Variants in XYLB observed in about 807,000 individuals in gnomAD.
XYLB encodes xylulose kinase.
Under a neutral mutation model 78.7 loss-of-function variants are expected in XYLB, and 62 were observed. The ratio of observed to expected loss-of-function variants is 0.79; its 90% CI spans 0.64 to 0.97. The LOEUF is 0.97. Among genes scored for constraint, XYLB ranks in the 50% least tolerant of loss-of-function variants. The pLI is 0.00. For missense variants in XYLB, 687 were observed against 676.8 expected (o/e 1.02, Z -0.17); for synonymous variants, 245 against 247.4 (o/e 0.99, Z 0.09).
At chr3:38,376,071 C>T (rs1278809106) in intron 12 of XYLB, 46 bp from the exon 13 acceptor site, 17 of 1,342,928 alleles carry the variant, frequency 1.3e-5, no homozygotes, top group Non-Finnish European at 1.8e-5. Context: ...TGGGTCCAGT[C>T]AGCAAGCACC....
chr3:38,408,436 A>C (rs1161308196), intron 18 of XYLB, among the ~76,000 whole-genome samples: 2 of 150,604 alleles, frequency 1.3e-5, no homozygotes, highest in African/African-American at 4.8e-5. Context: ...AAAGCAGGAA[A>C]GATCCAAAAT....
At chr3:38,425,470 G>A (rs1352542817), downstream of XYLB, among the ~76,000 whole-genome samples, 1 of 152,168 alleles carries the variant, frequency 6.6e-6, no homozygotes, top group Non-Finnish European at 1.5e-5. Context: ...GGTGATTATA[G>A]GACTCTGCAC....
At chr3:38,376,794 G>A in intron 13 of XYLB, 124 bp from the exon 14 acceptor site, 1 of 711,484 alleles carries the variant, frequency 1.4e-6, no homozygotes, top group Non-Finnish European at 2.4e-6. Context: ...GGTCTCATCT[G>A]GGGGATGAAA....
chr3:38,352,517 C>T (rs1403031698), intron 2 of XYLB, among the ~76,000 whole-genome samples: 1 of 152,110 alleles, frequency 6.6e-6, no homozygotes, highest in Non-Finnish European at 1.5e-5. Context: ...TGTAAAAACA[C>T]TGGAAGGAGC....
the XYLB span, among the ~76,000 whole-genome samples, chr3:38,444,835 G>C: frequency 2.2e-4 from 34 of 151,916 alleles, no homozygotes; most frequent in Non-Finnish European, 4.7e-4. Context: ...ATCTGCAATG[G>C]TCCCTGGACC....
At chr3:38,411,806 T>G (rs1015697734) in intron 18 of XYLB, among the ~76,000 whole-genome samples, 1 of 152,096 alleles carries the variant, frequency 6.6e-6, no homozygotes, top group African/African-American at 2.4e-5. Context: ...AAACTGCATC[T>G]GAACTGAGAA....
rs553251596 is a variant in XYLB at position 38,399,230 on chromosome 3, C to T, written c.1439-1661C>T. Among the ~76,000 whole-genome samples the T allele has an allele frequency of 7.8e-4, 119 of 151,892 alleles. 2 individuals are homozygous for T. The South Asian group carries it at 0.014, about 18-fold the overall frequency. On this transcript the variant is annotated intron_variant, in intron 17 of 18. Transcript: ENST00000207870. ...TCTTCCCACCCCCACCTCAGCCTCC[C>T]GGATAGCTGGGACTACAGGCACACA... is the stretch of plus-strand genomic sequence containing the variant.
chr3:38,406,463 C>G (rs1324623414), intron 18 of XYLB, among the ~76,000 whole-genome samples: 1 of 152,200 alleles, frequency 6.6e-6, no homozygotes, highest in Non-Finnish European at 1.5e-5. Flanking sequence ...ACTGGAAACT[C>G]TAAAAAGCAG....
At chr3:38,452,309 G>A in the XYLB span, 4 of 152,180 alleles carry the variant, frequency 2.6e-5, no homozygotes, top group African/African-American at 4.8e-5. Flanking sequence ...GACTTTTAAA[G>A]ACCCAGAAAT....
At chr3:38,428,666 G>C in the XYLB span, among the ~76,000 whole-genome samples, 2 of 152,078 alleles carry the variant, frequency 1.3e-5, no homozygotes, top group African/African-American at 4.8e-5. Context: ...CATGTTATAT[G>C]TTTCTTTAAA....
chr3:38,389,467 C>T (rs1707551712), intron 15 of XYLB, among the ~76,000 whole-genome samples: 1 of 152,230 alleles, frequency 6.6e-6, no homozygotes, highest in Non-Finnish European at 1.5e-5. Context: ...GGGTACACCT[C>T]CCAGATGGGG....
At chr3:38,368,140 G>A (rs1473716163) in intron 7 of XYLB, 45 bp from the exon 8 acceptor site, 1 of 1,572,120 alleles carries the variant, frequency 6.4e-7, no homozygotes, top group Non-Finnish European at 8.8e-7. Context: ...AGTAGCGTAG[G>A]GTATGTGGAA....
the XYLB span, among the ~76,000 whole-genome samples, chr3:38,438,303 A>G: frequency 1.3e-5 from 2 of 152,186 alleles, no homozygotes; most frequent in Non-Finnish European, 2.9e-5. Context: ...ACATTTAACC[A>G]AGGAAGTGAA....
At chr3:38,370,240 GCACACACACACA>G in intron 9 of XYLB, 66 bp downstream of exon 9, 45 of 646,400 alleles carry the variant, frequency 7.0e-5, no homozygotes, top group South Asian at 6.6e-4. Flanking sequence ...GCACTGTAGC[GCACACACACACA>G]CACACACACA....
Position 38,346,952 on chromosome 3 carries a change from G to A in XYLB, c.57+27G>A, listed in dbSNP as rs1161274017. The A allele has an allele frequency of 4.2e-6, 6 of 1,438,172 alleles. No individual in the cohort carries two copies. In the African/African-American group the frequency reaches 8.8e-5, roughly 21 times the overall value. The allele number at this position is 1,438,172 out of a possible 1,614,324, so 89.1% of individuals were successfully genotyped here. A position where few individuals can be genotyped will look rare whatever the true frequency, so the allele number is the denominator to read the frequency against. On this transcript the variant is annotated intron_variant, in intron 1 of 18. Coordinates refer to ENST00000207870, the MANE Select transcript of XYLB (RefSeq NM_005108.4). ...TACAGTCGCCTGGCCGCAGGGCCACGGGGCCGCCTCCTCCGCTTCGGTGGG... is the reference window on the plus strand; with the variant it reads ...TACAGTCGCCTGGCCGCAGGGCCACAGGGCCGCCTCCTCCGCTTCGGTGGG...
chr3:38,395,075 G>T (rs182776398), intron 15 of XYLB, among the ~76,000 whole-genome samples: 13 of 152,312 alleles, frequency 8.5e-5, no homozygotes, highest in Non-Finnish European at 1.5e-5. Context: ...TTGAATGTGA[G>T]GGGGGACTAC....
At chr3:38,370,371 C>G in intron 9 of XYLB, 197 bp downstream of exon 9, 1 of 536,180 alleles carries the variant, frequency 1.9e-6, no homozygotes. Context: ...GCCTTGCACA[C>G]AGTAGGTGCT....
downstream of XYLB, among the ~76,000 whole-genome samples, chr3:38,423,628 T>C (rs550414965): frequency 1.2e-4 from 18 of 152,350 alleles, 1 homozygote; most frequent in East Asian, 1.5e-3. Context: ...AGCGTTTTCA[T>C]TGGAAAGTGT....
At chr3:38,375,458 A>G (rs1476178737) in intron 12 of XYLB, among the ~76,000 whole-genome samples, 199 bp downstream of exon 12, 3 of 152,068 alleles carry the variant, frequency 2.0e-5, no homozygotes, top group Non-Finnish European at 4.4e-5. Context: ...ATAACCCAAG[A>G]CCCTGTGTCC....
Sources: allele counts gnomAD v4.1 joint callset (sites outside exome capture counted in the v4.1 genomes callset), GRCh38; gene constraint gnomAD v4.1.1; transcripts MANE v1.5; gene names NCBI Gene and HGNC (gene_info 2026-07-23, HGNC 2026-07-21).